NR3C2: variants seen among roughly 807,000 people sequenced by gnomAD.
NR3C2 encodes nuclear receptor subfamily 3 group C member 2.
In NR3C2, 15 loss-of-function variants were observed where a neutral mutation model predicts 86.4. That is an observed-to-expected ratio of 0.17 (90% CI 0.12 to 0.27). The LOEUF is 0.27. NR3C2 is among the 10% of genes least tolerant of loss of function. The probability of loss-of-function intolerance (pLI) is 1.00; values close to 1 mark genes in which losing one functional copy is unlikely to be tolerated. For synonymous variants in NR3C2, 458 were observed against 450.5 expected (o/e 1.02, Z -0.21); for missense variants, 960 against 1,195.6 (o/e 0.80, Z 2.91).
intron 2 of NR3C2, among the ~76,000 whole-genome samples, chr4:148,299,825 G>T (rs936074399): frequency 6.6e-6 from 1 of 152,016 alleles, no homozygotes; most frequent in African/African-American, 2.4e-5. Context: ...ACAGCTGTTT[G>T]TTTTTTTCTT....
intron 2 of NR3C2, among the ~76,000 whole-genome samples, chr4:148,411,516 C>T (rs564048684): frequency 1.3e-5 from 2 of 152,292 alleles, no homozygotes; most frequent in Admixed American, 1.3e-4. Context: ...TTTTATACTT[C>T]CATTATATGC....
chr4:148,190,207 G>A (rs928574692), intron 4 of NR3C2, among the ~76,000 whole-genome samples: 14 of 152,126 alleles, frequency 9.2e-5, no homozygotes, highest in Admixed American at 6.5e-4. Context: ...TGCCTCTGCT[G>A]TATCTCAGAG....
intron 3 of NR3C2, among the ~76,000 whole-genome samples, chr4:148,233,115 C>T (rs926353487): frequency 2.6e-5 from 4 of 152,154 alleles, no homozygotes; most frequent in Admixed American, 2.6e-4. Flanking sequence ...ATTAAACCAG[C>T]CACATGGTTT....
At chr4:148,284,194 CCTTATGTATGGAACATAACT>C (rs1741398324) in intron 2 of NR3C2, among the ~76,000 whole-genome samples, 1 of 152,028 alleles carries the variant, frequency 6.6e-6, no homozygotes, top group Non-Finnish European at 1.5e-5. Context: ...TAGAGTAGAG[CCTTATGTATGGAACATAACT>C]CTTATGTATG....
chr4:148,418,125 C>T (rs528118312), intron 2 of NR3C2, among the ~76,000 whole-genome samples: 28 of 152,254 alleles, frequency 1.8e-4, no homozygotes, highest in Middle Eastern at 3.4e-3. Flanking sequence ...AAGCCACTCT[C>T]GTTTACATTC....
At chr4:148,190,543 A>G (rs1311192611) in intron 4 of NR3C2, among the ~76,000 whole-genome samples, 2 of 152,200 alleles carry the variant, frequency 1.3e-5, no homozygotes, top group Non-Finnish European at 2.9e-5. Context: ...TACATCTGTT[A>G]AGTCCATTTG....
chr4:148,082,722 C>T lies in NR3C2; in HGVS notation c.2800-1223G>A, dbSNP rs553301519. On this transcript the variant is annotated intron_variant, in intron 8 of 8. Transcript: ENST00000358102. ...ATCTGGAACACCAGCGAGACAGAAC[C>T]GTTCACTTCCCTAGAAAGGGGGCCG... 4.7e-5 allele frequency among the ~76,000 whole-genome samples: 7 copies of T among 149,010 alleles called. No individual in the cohort carries two copies. The South Asian group carries it at 1.3e-3, about 27-fold the overall frequency.
At chr4:148,169,555 T>C (rs1735033255) in intron 4 of NR3C2, among the ~76,000 whole-genome samples, 1 of 151,728 alleles carries the variant, frequency 6.6e-6, no homozygotes. Context: ...TTCATCTCTT[T>C]ATCCTCAACT....
At chr4:148,225,050 G>C (rs1026518672) in intron 3 of NR3C2, among the ~76,000 whole-genome samples, 1 of 152,156 alleles carries the variant, frequency 6.6e-6, no homozygotes, top group African/African-American at 2.4e-5. Context: ...AGGATGCCAT[G>C]TAAGAACTGG....
At chr4:148,430,277 AG>A (rs1458858226) in intron 2 of NR3C2, among the ~76,000 whole-genome samples, 1 of 152,184 alleles carries the variant, frequency 6.6e-6, no homozygotes, top group African/African-American at 2.4e-5. Context: ...TCATTTTTAA[AG>A]TATGATGTAA....
At chr4:148,351,467 C>T (rs936438067) in intron 2 of NR3C2, among the ~76,000 whole-genome samples, 1 of 152,142 alleles carries the variant, frequency 6.6e-6, no homozygotes, top group African/African-American at 2.4e-5. Context: ...TAATATGTAA[C>T]ATTTGCCTCT....
chr4:148,273,599 G>C (rs534328991), intron 2 of NR3C2, among the ~76,000 whole-genome samples: 1 of 152,146 alleles, frequency 6.6e-6, no homozygotes, highest in Non-Finnish European at 1.5e-5. Flanking sequence ...AAGGGAGTCA[G>C]CCCCAGGGGT....
intron 4 of NR3C2, among the ~76,000 whole-genome samples, chr4:148,184,338 A>G (rs1735787571): frequency 6.6e-6 from 1 of 151,692 alleles, no homozygotes; most frequent in African/African-American, 2.4e-5. Flanking sequence ...GGGCACCTGT[A>G]ATCTCAGCTA....
At chr4:148,316,463 T>C (rs929912630) in intron 2 of NR3C2, among the ~76,000 whole-genome samples, 1 of 152,206 alleles carries the variant, frequency 6.6e-6, no homozygotes, top group African/African-American at 2.4e-5. Flanking sequence ...ATTTGCTGAA[T>C]ACAACTTTCT....
At chr4:148,327,557 C>T (rs1744032089) in intron 2 of NR3C2, among the ~76,000 whole-genome samples, 1 of 152,150 alleles carries the variant, frequency 6.6e-6, no homozygotes, top group East Asian at 1.9e-4. Context: ...TTGATAACAT[C>T]CAGGCACTGG....
At chr4:148,331,947 A>C (rs2149969223) in intron 2 of NR3C2, among the ~76,000 whole-genome samples, 1 of 152,260 alleles carries the variant, frequency 6.6e-6, no homozygotes, top group African/African-American at 2.4e-5. Context: ...ATTTGCTTTA[A>C]AAAATTCTAA....
intron 2 of NR3C2, among the ~76,000 whole-genome samples, chr4:148,418,568 T>G (rs1048051138): frequency 1.2e-4 from 19 of 152,330 alleles, no homozygotes; most frequent in Non-Finnish European, 2.4e-4. Flanking sequence ...CATTGTTAAT[T>G]CATTTCAAAA....
At chr4:148,390,554 A>G (rs1219945654) in intron 2 of NR3C2, among the ~76,000 whole-genome samples, 5 of 152,196 alleles carry the variant, frequency 3.3e-5, no homozygotes, top group African/African-American at 9.6e-5. Flanking sequence ...ACAGTACACT[A>G]CGGGCACTGT....
At chr4:148,442,696 G>T (rs943998912), upstream of NR3C2, 1 of 985,276 alleles carries the variant, frequency 1.0e-6, no homozygotes, top group Non-Finnish European at 1.2e-6. Flanking sequence ...AAGTTGCTGC[G>T]ACACAGCCTG....
Sources: gnomAD v4.1 joint callset for allele counts (sites outside exome capture counted in the v4.1 genomes callset) on GRCh38, gnomAD v4.1.1 for gene constraint, MANE v1.5 for transcripts, NCBI Gene and HGNC (gene_info 2026-07-23, HGNC 2026-07-21) for gene names.